DBN1: variants seen among roughly 807,000 people sequenced by gnomAD.
DBN1 encodes the protein drebrin 1, also known as drebrin.
In DBN1, 21 loss-of-function variants were observed where a neutral mutation model predicts 83.5. The ratio of observed to expected loss-of-function variants is 0.25; its 90% CI spans 0.18 to 0.36. The LOEUF is 0.36. DBN1 is among the 10% of genes least tolerant of loss of function. The probability of loss-of-function intolerance (pLI) is 1.00; values close to 1 mark genes in which losing one functional copy is unlikely to be tolerated. For missense variants in DBN1, 874 were observed against 935.7 expected (o/e 0.93, Z 0.86); for synonymous variants, 381 against 384.9 (o/e 0.99, Z 0.12).
In DBN1 at chr5:177,458,620, G is replaced by C. The variant is rs1259419114; in HGVS notation, c.1352C>G (p.Pro451Arg). ...CCCCCGGGGAGGCGCCTGTGCCTGA[G>C]GGGGCTCCTCCATGGGGCCGGCCCA... ...QAWAGPMEEP[P>R]QAQAPPRGPG... is the part of the protein sequence containing the mutation. The change falls in exon 13 of 15, where the codon CCT becomes CGT. Residue 451 changes from proline (P) to arginine (R), a missense_variant. By Grantham distance (103) the Pro-to-Arg change is moderately radical. Transcript: ENST00000393565. 2 of 1,610,088 alleles carry C rather than the reference G, an allele frequency of 1.2e-6. No individual in the cohort carries two copies. The highest frequency in any genetic ancestry group is 4.5e-5 in the East Asian group (2 of 44,860).
At chr5:177,464,926 G>A (rs904785668) in intron 8 of DBN1, among the ~76,000 whole-genome samples, 27 of 152,048 alleles carry the variant, frequency 1.8e-4, no homozygotes, top group African/African-American at 5.1e-4. Context: ...TGGCTGAGGT[G>A]GGCAGATCAT....
chr5:177,456,842 G>C lies in DBN1; in HGVS notation c.*591C>G, dbSNP rs541564661. ...CCTGGGACCTGCCCGGCAGGAGACG[G>C]GGGGTAGCCGAGGGGCCCCAGCTGG... On this transcript the variant is annotated 3_prime_UTR_variant, in exon 15 of 15. Coordinates refer to ENST00000393565, the MANE Select transcript of DBN1 (RefSeq NM_001363541.2). 6.5e-6 allele frequency: 1 copy of C among 153,456 alleles called. No homozygotes were observed. Among genetic ancestry groups the C allele is most frequent in the African/African-American group, 2.4e-5 (1 of 41,412 alleles). The allele number at this position is 153,456 out of a possible 1,614,324, so 9.5% of individuals were successfully genotyped here. A position where few individuals can be genotyped will look rare whatever the true frequency, so the allele number is the denominator to read the frequency against.
At position 177,457,121 on chromosome 5, in the gene DBN1, A is replaced by C. The variant is rs1475564801; in HGVS notation, c.*312T>G. On this transcript the variant is annotated 3_prime_UTR_variant, in exon 15 of 15. Transcript: ENST00000393565. ...GCAGGGTGAGGCCTCCAACCCGGCC[A>C]GCTGAGCAGGGAGGACTAAGAGCTA... is the stretch of plus-strand genomic sequence containing the variant. The C allele has an allele frequency of 2.5e-6, 1 of 393,104 alleles. No homozygotes were observed. Among genetic ancestry groups the C allele is most frequent in the East Asian group, 4.7e-5 (1 of 21,202 alleles). The allele number at this position is 393,104 out of a possible 1,614,324, so 24.4% of individuals were successfully genotyped here.
chr5:177,458,244 A>G lies in DBN1; in HGVS notation c.1728T>C (p.Leu576=). The G allele has an allele frequency of 2.5e-6, 4 of 1,613,610 alleles. No homozygotes were observed. Among genetic ancestry groups the G allele is most frequent in the Non-Finnish European group, 3.4e-6 (4 of 1,179,970 alleles). The change falls in exon 13 of 15, where the codon CTT becomes CTC. Residue 576 remains leucine (L), a synonymous_variant. Transcript: ENST00000393565. ...LLPAGEGCAT[L]LNFDELPEPP... ...GCTCAGGCAGCTCATCAAAGTTGAG[A>G]AGGGTGGCACAGCCTTCGCCTGCTG...
chr5:177,462,170 A>G, intron 8 of DBN1: 6 of 765,532 alleles, frequency 7.8e-6, no homozygotes, highest in Non-Finnish European at 9.5e-6. Flanking sequence ...CCCCTGCCTG[A>G]CCTAGCCGTC....
In DBN1 at chr5:177,467,382, CCCGACA is replaced by C; in HGVS notation, c.478-56_478-51del. ...AAGCAGGCTGAATGCCCCAGGAACC[CCCGACA>C]CCTAAAGGGTGAGAGCTAAGAGGGA... On this transcript the variant is annotated intron_variant, in intron 5 of 14. Coordinates refer to ENST00000393565, the MANE Select transcript of DBN1 (RefSeq NM_001363541.2). This position sits in a 1 kb window ranked among gnomAD's most constrained non-coding sequence, Gnocchi z 9.1. 1.2e-6 allele frequency: 2 copies of C among 1,613,726 alleles called. No homozygotes were observed. The highest frequency in any genetic ancestry group is 2.2e-5 in the South Asian group (2 of 91,072).
At position 177,466,958 on chromosome 5, in the gene DBN1, C is replaced by T. The variant is rs770477650; in HGVS notation, c.660G>A (p.Glu220=). ...RMEQERQEQE[E]RERRYREREQ... ...CCCGCTCCCGGTAGCGCCGCTCGCG[C>T]TCCTCTTGCTCCTGCCGCTCCTGCT... Residue 220 remains glutamate, a synonymous_variant, in exon 7 of 15, where the codon GAG becomes GAA. Coordinates refer to ENST00000393565, the MANE Select transcript of DBN1 (RefSeq NM_001363541.2). The surrounding 1 kb of genome is among the most constrained non-coding windows in gnomAD (Gnocchi z 4.8). 11 of 1,612,830 alleles carry T rather than the reference C, an allele frequency of 6.8e-6. No individual in the cohort carries two copies. The Admixed American group carries it at 1.5e-4, about 22-fold the overall frequency.
chr5:177,472,233 C>G (rs1394347027), intron 1 of DBN1: 1 of 1,613,488 alleles, frequency 6.2e-7, no homozygotes, highest in East Asian at 2.2e-5. Flanking sequence ...TCCAGAAGCC[C>G]CCAGGTCAGA....
intron 14 of DBN1, 57 bp from the exon 15 acceptor site, chr5:177,457,560 G>A (rs575915219): frequency 1.9e-6 from 3 of 1,570,520 alleles, no homozygotes; most frequent in Non-Finnish European, 2.6e-6. Flanking sequence ...TGTGTCCCCA[G>A]CCTCTGTGAG....
At position 177,459,196 on chromosome 5, in the gene DBN1, G is replaced by T. The variant is rs1756816739; in HGVS notation, c.1166C>A (p.Thr389Asn). ...IPTRSPSDSS[T>N]ASTPVAEQIE... is the part of the protein sequence containing the mutation. ...CTGCTCAGCGACAGGGGTGGAGGCG[G>T]TGCTGGAGTCAGACGGGCTCCGCGT... is the stretch of plus-strand genomic sequence containing the variant. The change falls in exon 12 of 15, where the codon ACC (threonine) becomes AAC (asparagine). Residue 389 changes from threonine to asparagine, a missense_variant. Coordinates refer to ENST00000393565, the MANE Select transcript of DBN1 (RefSeq NM_001363541.2). 2 of 1,611,578 alleles carry T rather than the reference G, an allele frequency of 1.2e-6. No individual in the cohort carries two copies. The highest frequency in any genetic ancestry group is 1.7e-6 in the Non-Finnish European group (2 of 1,179,198).
chr5:177,466,994 C>T lies in DBN1; in HGVS notation c.624G>A (p.Gln208=), dbSNP rs767296395. Reference sequence around the variant, plus strand: ...CCTGCCGCTCCTGCTCCATCCGCTCCTGCTCGAACCTGAGCCTCTCATCCA... The same window carrying T: ...CCTGCCGCTCCTGCTCCATCCGCTCTTGCTCGAACCTGAGCCTCTCATCCA... ...KALDERLRFE[Q]ERMEQERQEQ... The change falls in exon 7 of 15, where the codon CAG becomes CAA. Residue 208 remains glutamine (Q), a synonymous_variant. Coordinates refer to ENST00000393565, the MANE Select transcript of DBN1 (RefSeq NM_001363541.2). This position sits in a 1 kb window ranked among gnomAD's most constrained non-coding sequence, Gnocchi z 4.8. 11 of 1,613,664 alleles carry T rather than the reference C, an allele frequency of 6.8e-6. No homozygotes were observed. The South Asian group carries it at 1.2e-4, about 18-fold the overall frequency.
In DBN1 at chr5:177,467,440, G is replaced by A. The variant is rs1561686357; in HGVS notation, c.477+41C>T. 2 of 1,610,488 alleles carry A rather than the reference G, an allele frequency of 1.2e-6. No homozygotes were observed. Among genetic ancestry groups the A allele is most frequent in the Non-Finnish European group, 1.7e-6 (2 of 1,177,688 alleles). ...CGGGCAGGCCAGACTCGGGCACCAGGCCACGCAGGCAGAGCCCACGGGTGC... is the reference window on the plus strand; with the variant it reads ...CGGGCAGGCCAGACTCGGGCACCAGACCACGCAGGCAGAGCCCACGGGTGC... On this transcript the variant is annotated intron_variant, in intron 5 of 14. Coordinates refer to ENST00000393565, the MANE Select transcript of DBN1 (RefSeq NM_001363541.2). The surrounding 1 kb of genome is among the most constrained non-coding windows in gnomAD (Gnocchi z 9.1).
intron 8 of DBN1, among the ~76,000 whole-genome samples, chr5:177,465,925 GTTCT>G (rs1554103512): frequency 6.7e-6 from 1 of 149,710 alleles, no homozygotes; most frequent in Non-Finnish European, 1.5e-5. Flanking sequence ...TCTCCACCAT[GTTCT>G]TTATGTGGCA....
chr5:177,463,254 G>A (rs1263576879), intron 8 of DBN1, among the ~76,000 whole-genome samples: 1 of 152,140 alleles, frequency 6.6e-6, no homozygotes, highest in Non-Finnish European at 1.5e-5. Context: ...AGCCAGGATG[G>A]TCTCGATCTC....
intron 13 of DBN1, 123 bp downstream of exon 13, chr5:177,457,935 T>A (rs749263125): frequency 2.8e-6 from 4 of 1,425,522 alleles, no homozygotes; most frequent in Non-Finnish European, 3.9e-6. Context: ...GGGATGGACT[T>A]CCCCTCAAAT....
rs368743472 is a variant in DBN1 at position 177,467,240 on chromosome 5, C to T, written c.555+15G>A. On this transcript the variant is annotated intron_variant, in intron 6 of 14. Transcript: ENST00000393565. This position sits in a 1 kb window ranked among gnomAD's most constrained non-coding sequence, Gnocchi z 9.1. ...TGAGGGGTGGCTCAGCCAGGCCGGGCTCAGGGTTCCATACCTTGGCCTGCT... is the reference window on the plus strand; with the variant it reads ...TGAGGGGTGGCTCAGCCAGGCCGGGTTCAGGGTTCCATACCTTGGCCTGCT... The T allele has an allele frequency of 6.2e-7, 1 of 1,614,074 alleles. No homozygotes were observed. Among genetic ancestry groups the T allele is most frequent in the Non-Finnish European group, 8.5e-7 (1 of 1,179,940 alleles).
Position 177,466,879 on chromosome 5 carries a change from G to A in DBN1, c.707+32C>T, listed in dbSNP as rs755638153. 1.2e-6 allele frequency: 2 copies of A among 1,613,596 alleles called. No homozygotes were observed. Among genetic ancestry groups the A allele is most frequent in the South Asian group, 2.2e-5 (2 of 91,080 alleles). On this transcript the variant is annotated intron_variant, in intron 7 of 14. Coordinates refer to ENST00000393565, the MANE Select transcript of DBN1 (RefSeq NM_001363541.2). This position sits in a 1 kb window ranked among gnomAD's most constrained non-coding sequence, Gnocchi z 4.8. ...AGCACCCGTCAGGGTGCGCCCGGGG[G>A]CCCCTGGAGCGCTCCGGGCGGGCAG...
intron 11 of DBN1, 97 bp downstream of exon 11, chr5:177,459,506 A>G: frequency 7.4e-7 from 1 of 1,351,274 alleles, no homozygotes; most frequent in Non-Finnish European, 9.8e-7. Context: ...GGCAAACACC[A>G]GAGATCAGCG....
intron 2 of DBN1, 87 bp from the exon 3 acceptor site, chr5:177,468,307 G>T: frequency 8.7e-7 from 1 of 1,144,436 alleles, no homozygotes; most frequent in Non-Finnish European, 1.3e-6. Context: ...GACTCCTCCA[G>T]GCCTCCACAG....
Sources: allele counts gnomAD v4.1 joint callset (sites outside exome capture counted in the v4.1 genomes callset), GRCh38; gene constraint gnomAD v4.1.1; non-coding constraint Gnocchi (gnomAD v3.1); transcripts MANE v1.5; gene names NCBI Gene and HGNC (gene_info 2026-07-23, HGNC 2026-07-21).